RP1L1: variants seen among roughly 807,000 people sequenced by gnomAD.
RP1L1 encodes the protein RP1 like 1.
In RP1L1, 27 loss-of-function variants were observed where a neutral mutation model predicts 15.7. That is an observed-to-expected ratio of 1.72 (90% CI 1.27 to 2.38). RP1L1 has a LOEUF of 2.38. Among genes scored for constraint, RP1L1 ranks in the 30% most tolerant of loss-of-function variants. The probability of loss-of-function intolerance (pLI) is 0.00; values close to 1 mark genes in which losing one functional copy is unlikely to be tolerated. For synonymous variants in RP1L1, 1,813 were observed against 1,276.7 expected, an observed-to-expected ratio of 1.42 and a Z score of -8.96; for missense variants, 4,798 against 3,075.9, an observed-to-expected ratio of 1.56 and a Z score of -13.24.
intron 1 of RP1L1, among the ~76,000 whole-genome samples, chr8:10,627,769 G>A (rs1798181002): frequency 6.6e-6 from 1 of 152,182 alleles, no homozygotes; most frequent in East Asian, 1.9e-4. Context: ...TAAGAGTTTA[G>A]GGAAACATCA....
intron 1 of RP1L1, among the ~76,000 whole-genome samples, chr8:10,633,733 C>T (rs1052017190): frequency 6.6e-6 from 1 of 152,126 alleles, no homozygotes; most frequent in Non-Finnish European, 1.5e-5. Context: ...TTCTCCAGAC[C>T]TAAGTACAGA....
intron 1 of RP1L1, among the ~76,000 whole-genome samples, chr8:10,625,562 A>G (rs903977950): frequency 8.5e-5 from 13 of 152,114 alleles, no homozygotes; most frequent in Non-Finnish European, 1.3e-4. Flanking sequence ...GATGCTCCAT[A>G]GGCGGAGGGC....
rs756335904 is a variant in RP1L1, at chr8:10,609,792, A to G, written c.4306T>C (p.Ser1436Pro). The G allele has an allele frequency of 2.7e-5, 44 of 1,613,852 alleles. No homozygotes were observed. The highest frequency in any genetic ancestry group is 3.6e-5 in the Non-Finnish European group (43 of 1,180,008). ...PVQEEEAGRA[S>P]ASAEPCPAEG... ...GCGGGGCACGGCTCTGCAGAGGCAGAGGCTCTTCCTGCTTCCTCCTCCTGG... is the reference window on the plus strand; with the variant it reads ...GCGGGGCACGGCTCTGCAGAGGCAGGGGCTCTTCCTGCTTCCTCCTCCTGG... The change falls in exon 4 of 4, where the codon TCT becomes CCT. Residue 1436 changes from serine to proline, a missense_variant. Coordinates refer to ENST00000382483, the MANE Select transcript of RP1L1 (RefSeq NM_178857.6).
intron 1 of RP1L1, among the ~76,000 whole-genome samples, chr8:10,629,890 C>G (rs1035288295): frequency 6.6e-6 from 1 of 152,174 alleles, no homozygotes; most frequent in Non-Finnish European, 1.5e-5. Flanking sequence ...CCCCAAGTCT[C>G]TGTGCTCACC....
rs1220023360 is a variant in RP1L1, at chr8:10,608,421, G to T, written c.5677C>A (p.Pro1893Thr). 1.2e-6 allele frequency: 2 copies of T among 1,604,482 alleles called. No homozygotes were observed. The highest frequency in any genetic ancestry group is 4.5e-5 in the East Asian group (2 of 44,016). Residue 1893 changes from proline to threonine, a missense_variant, in exon 4 of 4, where the codon CCA (proline) becomes ACA (threonine). Physicochemically the swap from Pro to Thr is conservative, Grantham distance 38. Transcript: ENST00000382483. ...AQPESEDVET[P>T]EAEWEVQPES... ...GGCTGGACCTCCCATTCTGCCTCTG[G>T]GGTCTCTACATCTTCTGACTCTGGC...
intron 1 of RP1L1, among the ~76,000 whole-genome samples, chr8:10,634,897 C>G (rs1367687129): frequency 1.3e-5 from 2 of 152,188 alleles, no homozygotes; most frequent in Non-Finnish European, 2.9e-5. Flanking sequence ...CCTTGCCCCT[C>G]CAGTCTCCCC....
intron 1 of RP1L1, among the ~76,000 whole-genome samples, chr8:10,648,727 G>A (rs1039577066): frequency 6.6e-6 from 1 of 152,182 alleles, no homozygotes; most frequent in African/African-American, 2.4e-5. Context: ...ACTTTTATGT[G>A]GGCTTAAGAC....
chr8:10,627,270 G>A (rs115039332), intron 1 of RP1L1, among the ~76,000 whole-genome samples: 313 of 152,212 alleles, frequency 2.1e-3, no homozygotes, highest in African/African-American at 7.3e-3. Context: ...AACAAAATGC[G>A]ATATAGACAA....
In RP1L1 at chr8:10,606,509, T is replaced by G; in HGVS notation, c.*386A>C. ...AGCCAAGGAGAAAAGTAACAGGAGA[T>G]CAACAGGGAAAAGACAGAGAGCAAC... On this transcript the variant is annotated 3_prime_UTR_variant, in exon 4 of 4. Transcript: ENST00000382483. 4.6e-6 allele frequency: 1 copy of G among 219,260 alleles called. No individual in the cohort carries two copies. The highest frequency in any genetic ancestry group is 9.1e-6 in the Non-Finnish European group (1 of 109,958). The allele number at this position is 219,260 out of a possible 1,614,324, so 13.6% of individuals were successfully genotyped here.
intron 1 of RP1L1, among the ~76,000 whole-genome samples, chr8:10,654,579 A>G (rs553429913): frequency 1.4e-4 from 21 of 151,866 alleles, no homozygotes; most frequent in Admixed American, 3.9e-4. Flanking sequence ...TCCCTCTCTG[A>G]CTCCAGCGAC....
At chr8:10,615,671 G>A (rs1226725806) in intron 3 of RP1L1, among the ~76,000 whole-genome samples, 1 of 152,000 alleles carries the variant, frequency 6.6e-6, no homozygotes, top group Admixed American at 6.6e-5. Context: ...TGGGACCACG[G>A]GTATGCGCCA....
chr8:10,619,625 T>C (rs572503371), intron 2 of RP1L1, among the ~76,000 whole-genome samples: 1 of 152,092 alleles, frequency 6.6e-6, no homozygotes, highest in Non-Finnish European at 1.5e-5. Context: ...AATTCTTTCC[T>C]GCTTAAGATG....
Position 10,622,527 on chromosome 8 carries a change from A to C in RP1L1, c.609+66T>G, listed in dbSNP as rs1798076841. ...TTTTAAGGAATAATCTCTCTCTTCC[A>C]TGTGAGTATTTTGACCTCAGGTCTA... On this transcript the variant is annotated intron_variant, in intron 2 of 3. Coordinates refer to ENST00000382483, the MANE Select transcript of RP1L1 (RefSeq NM_178857.6). 7.5e-6 allele frequency: 12 copies of C among 1,604,234 alleles called. No individual in the cohort carries two copies. In the South Asian group the frequency reaches 1.2e-4, roughly 16 times the overall value.
chr8:10,638,588 T>G (rs1247105315), intron 1 of RP1L1, among the ~76,000 whole-genome samples: 1 of 151,794 alleles, frequency 6.6e-6, no homozygotes, highest in African/African-American at 2.4e-5. Context: ...TAAAAAAAAA[T>G]AAAATATATA....
Position 10,612,802 on chromosome 8 carries a change from G to A in RP1L1, c.1296C>T (p.Val432=). 1.2e-6 allele frequency: 2 copies of A among 1,611,338 alleles called. No homozygotes were observed. The highest frequency in any genetic ancestry group is 2.2e-5 in the South Asian group (2 of 91,086). Residue 432 remains valine, a synonymous_variant, in exon 4 of 4, where the codon GTC becomes GTT. Transcript: ENST00000382483. ...CGTGGCCCCACAGGCCACTGCAGCG[G>A]ACGTGCTGGGCCAGTCCCCACCTCT... ...ARKRWGLAQH[V]RCSGLWGHGT...
In RP1L1 at chr8:10,622,655, C is replaced by T. The variant is rs115126172; in HGVS notation, c.547G>A (p.Gly183Ser). 8,799 of 1,614,160 alleles carry T rather than the reference C, an allele frequency of 5.5e-3. 126 individuals are homozygous for T. The highest frequency in any genetic ancestry group is 0.042 in the African/African-American group (3,155 of 75,040). The change falls in exon 2 of 4, where the codon GGC becomes AGC. Residue 183 changes from glycine (G) to serine (S), a missense_variant. Physicochemically the swap from Gly to Ser is moderately conservative, Grantham distance 56 (BLOSUM62 0). Coordinates refer to ENST00000382483, the MANE Select transcript of RP1L1 (RefSeq NM_178857.6). ...AAGCGCAGGAGATCTGAGGCTTTGC[C>T]GAGAAAGGCGGCCAGGTTCCTAGTA... Reference protein sequence around the residue: ...RNTRNLAAFLGKASDLLRFPV... With the variant: ...RNTRNLAAFLSKASDLLRFPV...
Position 10,610,626 on chromosome 8 carries a change from A to G in RP1L1, c.3472T>C (p.Trp1158Arg), listed in dbSNP as rs1387559680. 6.2e-7 allele frequency: 1 copy of G among 1,612,290 alleles called. No homozygotes were observed. The highest frequency in any genetic ancestry group is 8.5e-7 in the Non-Finnish European group (1 of 1,179,346). The change falls in exon 4 of 4, where the codon TGG becomes CGG. Residue 1158 changes from tryptophan to arginine, a missense_variant. Coordinates refer to ENST00000382483, the MANE Select transcript of RP1L1 (RefSeq NM_178857.6). ...TCTTCCCCAACGTCACATCCTGGCCACAGGTCCTTCGAGATGCTGAGCAGC... is the reference window on the plus strand; with the variant it reads ...TCTTCCCCAACGTCACATCCTGGCCGCAGGTCCTTCGAGATGCTGAGCAGC... ...QELLSISKDL[W>R]PGCDVGEDQL...
chr8:10,630,965 G>A (rs1031261503), intron 1 of RP1L1, among the ~76,000 whole-genome samples: 1 of 152,194 alleles, frequency 6.6e-6, no homozygotes, highest in Non-Finnish European at 1.5e-5. Flanking sequence ...GTGGGGCTAA[G>A]GGAGCCCCCT....
At chr8:10,649,165 G>A (rs576017039) in intron 1 of RP1L1, among the ~76,000 whole-genome samples, 44 of 152,336 alleles carry the variant, frequency 2.9e-4, no homozygotes, top group Middle Eastern at 3.4e-3. Context: ...AGGAGGAAGC[G>A]TGAGATTCAA....
Sources: gnomAD v4.1 joint callset for allele counts (sites outside exome capture counted in the v4.1 genomes callset) on GRCh38, gnomAD v4.1.1 for gene constraint, MANE v1.5 for transcripts, NCBI Gene and HGNC (gene_info 2026-07-23, HGNC 2026-07-21) for gene names.